Variants in WHRN observed in about 807,000 individuals in gnomAD.
WHRN encodes whirlin, also known as CASK-interacting protein CIP98.
WHRN carries 41 observed loss-of-function variants against 68.3 expected under a neutral mutation model. That is an observed-to-expected ratio of 0.60 (90% CI 0.47 to 0.78). WHRN has a LOEUF of 0.78. Among genes scored for constraint, WHRN ranks in the 30% least tolerant of loss-of-function variants. WHRN has a pLI of 0.00. For missense variants in WHRN, 1,243 were observed against 1,244.7 expected, an observed-to-expected ratio of 1.00 and a Z score of 0.02; for synonymous variants, 560 against 561.3, an observed-to-expected ratio of 1.00 and a Z score of 0.03.
rs140478605 is a variant in WHRN at position 114,501,526 on chromosome 9, AAATTT to A, written c.618+2653_618+2657del. On this transcript the variant is annotated intron_variant, in intron 1 of 11. Coordinates refer to ENST00000362057, the MANE Select transcript of WHRN (RefSeq NM_015404.4). ...AAATTATTAGGTAACTTGATTCCTA[AAATTT>A]AATTTAATTTAATTTTTATTACACA... Among the ~76,000 whole-genome samples the A allele has an allele frequency of 3.1e-3, 460 of 150,684 alleles. 3 individuals are homozygous for A. Among genetic ancestry groups the A allele is most frequent in the African/African-American group, 8.6e-3 (352 of 40,728 alleles).
At chr9:114,487,998 A>G (rs10982244) in intron 1 of WHRN, among the ~76,000 whole-genome samples, 47,561 of 152,168 alleles carry the variant, frequency 0.31, 8,239 homozygotes, top group Non-Finnish European at 0.38. Flanking sequence ...CTTGGGCCCT[A>G]AAGCACTGCA....
In WHRN at chr9:114,466,253, A is replaced by G; in HGVS notation, c.963+14T>C. On this transcript the variant is annotated intron_variant, in intron 3 of 11. Transcript: ENST00000362057. ...CCATGCACAGAGTTTTCCCTCCCTC[A>G]GGCCCTCCCTCACCTTGAGCCCGCT... The G allele has an allele frequency of 5.6e-6, 9 of 1,613,756 alleles. No individual in the cohort carries two copies. Among genetic ancestry groups the G allele is most frequent in the Non-Finnish European group, 7.6e-6 (9 of 1,179,998 alleles).
chr9:114,415,346 A>T (rs1297053420), intron 7 of WHRN, among the ~76,000 whole-genome samples: 1 of 150,704 alleles, frequency 6.6e-6, no homozygotes, highest in Admixed American at 6.6e-5. Flanking sequence ...CCATGGTTTT[A>T]GGGTTAAACA....
intron 7 of WHRN, among the ~76,000 whole-genome samples, chr9:114,414,465 C>T (rs932871304): frequency 1.3e-5 from 2 of 152,212 alleles, no homozygotes; most frequent in South Asian, 2.1e-4. Context: ...GGGTCTATGG[C>T]ACAGAAATGA....
At chr9:114,486,242 T>TCCACATTTCCTCGTATCTGCGCTG (rs1842464332) in intron 1 of WHRN, among the ~76,000 whole-genome samples, 1 of 152,144 alleles carries the variant, frequency 6.6e-6, no homozygotes, top group Non-Finnish European at 1.5e-5. Flanking sequence ...CCTTCTTTAA[T>TCCACATTTCCTCGTATCTGCGCTG]CCACATTTCC....
At chr9:114,406,951 G>A (rs1486902011) in intron 8 of WHRN, 59 bp from the exon 9 acceptor site, 10 of 1,543,296 alleles carry the variant, frequency 6.5e-6, no homozygotes, top group South Asian at 1.2e-5. Context: ...TGGAAGAGGG[G>A]AGGCCGAGCA....
chr9:114,504,541 C>T lies in WHRN; in HGVS notation c.261G>A (p.Lys87=), dbSNP rs776554852. The T allele has an allele frequency of 1.2e-6, 2 of 1,610,850 alleles. No individual in the cohort carries two copies. The highest frequency in any genetic ancestry group is 1.1e-5 in the South Asian group (1 of 91,076). The change falls in exon 1 of 12, where the codon AAG becomes AAA. Residue 87 remains lysine, a synonymous_variant. Coordinates refer to ENST00000362057, the MANE Select transcript of WHRN (RefSeq NM_015404.4). ...GACGAAGCATGGGCAGCAGGCGCCG[C>T]TTGACCGGACTGTCCAGCAGCACGC... ...TLRVLLDSPV[K]RRLLPMLRLV...
chr9:114,426,505 C>T (rs1217941098), intron 3 of WHRN, 92 bp from the exon 4 acceptor site: 2 of 1,470,834 alleles, frequency 1.4e-6, no homozygotes, highest in Admixed American at 1.7e-5. Flanking sequence ...CTCCTCTGGG[C>T]CAGCCTGTCA....
intron 3 of WHRN, among the ~76,000 whole-genome samples, chr9:114,444,517 T>C (rs904481565): frequency 6.6e-6 from 1 of 151,876 alleles, no homozygotes; most frequent in Admixed American, 6.6e-5. Flanking sequence ...AGTCAAACAG[T>C]AAAAAGGGGG....
chr9:114,504,178 C>G lies in WHRN; in HGVS notation c.618+6G>C, dbSNP rs777792789. ...GCCCCAGACTCTCTCCAAACCACAGCCTTACCTTGACGGCCTCCGCGTGGG... is the reference window on the plus strand; with the variant it reads ...GCCCCAGACTCTCTCCAAACCACAGGCTTACCTTGACGGCCTCCGCGTGGG... On this transcript the variant is annotated splice_donor_region_variant and intron_variant, in intron 1 of 11. Transcript: ENST00000362057. 135 of 1,613,990 alleles carry G rather than the reference C, an allele frequency of 8.4e-5. 2 individuals are homozygous for G. The South Asian group carries it at 1.4e-3, about 17-fold the overall frequency.
intron 1 of WHRN, among the ~76,000 whole-genome samples, chr9:114,480,806 A>G (rs897905108): frequency 1.3e-5 from 2 of 152,230 alleles, no homozygotes; most frequent in African/African-American, 4.8e-5. Flanking sequence ...TTAAAAGGCT[A>G]TAAATCATGT....
chr9:114,415,134 CA>C (rs902353388), intron 7 of WHRN, among the ~76,000 whole-genome samples: 1 of 152,094 alleles, frequency 6.6e-6, no homozygotes, highest in African/African-American at 2.4e-5. Flanking sequence ...CCCATCACTA[CA>C]AAAAAATGTA....
intron 2 of WHRN, among the ~76,000 whole-genome samples, chr9:114,475,247 C>T (rs532105657): frequency 6.6e-6 from 1 of 152,324 alleles, no homozygotes; most frequent in African/African-American, 2.4e-5. Flanking sequence ...CTGATGCTAT[C>T]CCACTTAGCC....
rs201707482 is a variant in WHRN, at chr9:114,406,661, C to G, written c.1930G>C (p.Asp644His). The G allele has an allele frequency of 2.4e-5, 39 of 1,613,834 alleles. No homozygotes were observed. In the East Asian group the frequency reaches 8.5e-4, roughly 35 times the overall value. The change falls in exon 9 of 12, where the codon GAC becomes CAC. Residue 644 changes from aspartate (D) to histidine (H), a missense_variant. Physicochemically the swap from Asp to His is moderately conservative, Grantham distance 81. Transcript: ENST00000362057. ...GCATAGATGGGGGAAGAGGGCAAGT[C>G]CTGTGCAGAGGAGGTCCCTGGGGTG... ...APTPGTSSAQ[D>H]LPSSPIYASV...
At chr9:114,482,454 C>G (rs1259273694) in intron 1 of WHRN, among the ~76,000 whole-genome samples, 1 of 152,130 alleles carries the variant, frequency 6.6e-6, no homozygotes, top group African/African-American at 2.4e-5. Context: ...AGTGGACAGT[C>G]CTTGGGCCGG....
chr9:114,438,501 G>A (rs1838070461), intron 3 of WHRN, among the ~76,000 whole-genome samples: 1 of 142,500 alleles, frequency 7.0e-6, no homozygotes, highest in South Asian at 2.2e-4. Flanking sequence ...CACCCAGGCT[G>A]GAGTGCAGTG....
intron 7 of WHRN, among the ~76,000 whole-genome samples, chr9:114,422,996 T>C (rs969005893): frequency 3.3e-5 from 5 of 151,996 alleles, no homozygotes; most frequent in Non-Finnish European, 5.9e-5. Flanking sequence ...AGGATTCTAA[T>C]GATCTTTTTC....
chr9:114,459,266 T>C (rs1840051650), intron 3 of WHRN, among the ~76,000 whole-genome samples: 1 of 150,942 alleles, frequency 6.6e-6, no homozygotes, highest in Non-Finnish European at 1.5e-5. Flanking sequence ...GAGACCAGCC[T>C]GGCCAACATG....
intron 3 of WHRN, among the ~76,000 whole-genome samples, chr9:114,447,311 C>A (rs1230818689): frequency 6.6e-6 from 1 of 152,170 alleles, no homozygotes; most frequent in East Asian, 1.9e-4. Context: ...GCTCCACACG[C>A]CCTGGCTGTG....
Sources: gnomAD v4.1 joint callset for allele counts (sites outside exome capture counted in the v4.1 genomes callset) on GRCh38, gnomAD v4.1.1 for gene constraint, MANE v1.5 for transcripts, NCBI Gene and HGNC (gene_info 2026-07-23, HGNC 2026-07-21) for gene names.